RIC1: variants seen among roughly 807,000 people sequenced by gnomAD.
The protein encoded by RIC1 is RIC1 partner of RAB6A GEF complex.
In RIC1, 88 loss-of-function variants were observed where a neutral mutation model predicts 169.0. The ratio of observed to expected loss-of-function variants is 0.52; its 90% CI spans 0.44 to 0.62. The LOEUF (loss-of-function observed/expected upper bound fraction) is 0.62, where lower values mean the gene tolerates loss of function less well. Among genes scored for constraint, RIC1 ranks in the 20% least tolerant of loss-of-function variants. RIC1 has a pLI of 0.00. For synonymous variants in RIC1, 790 were observed against 601.5 expected (o/e 1.31, Z -4.59); for missense variants, 1,877 against 1,725.5 (o/e 1.09, Z -1.56).
At chr9:5,772,446 A>G (rs1221541903) in intron 23 of RIC1, 118 bp from the exon 24 acceptor site, 23 of 764,238 alleles carry the variant, frequency 3.0e-5, no homozygotes, top group Non-Finnish European at 4.6e-5. Flanking sequence ...CATGGATTTC[A>G]TGTTTTAGTT....
At chr9:5,678,725 T>C (rs1387273687) in intron 2 of RIC1, among the ~76,000 whole-genome samples, 1 of 152,228 alleles carries the variant, frequency 6.6e-6, no homozygotes, top group Non-Finnish European at 1.5e-5. Flanking sequence ...TTTGAGTTCA[T>C]TGTAGATTCT....
intron 12 of RIC1, among the ~76,000 whole-genome samples, chr9:5,752,054 A>C (rs1825754087): frequency 6.6e-6 from 1 of 152,220 alleles, no homozygotes; most frequent in African/African-American, 2.4e-5. Flanking sequence ...ACATGTGCTC[A>C]TGAAAACTAA....
At chr9:5,743,366 A>C (rs1825191036) in intron 9 of RIC1, among the ~76,000 whole-genome samples, 2 of 152,114 alleles carry the variant, frequency 1.3e-5, no homozygotes, top group Admixed American at 1.3e-4. Context: ...TCATTAGGTT[A>C]ATGTAGGTTA....
chr9:5,650,084 G>A (rs1176733870), intron 1 of RIC1, among the ~76,000 whole-genome samples: 1 of 152,160 alleles, frequency 6.6e-6, no homozygotes, highest in South Asian at 2.1e-4. Flanking sequence ...GCAGCAGACT[G>A]TGTGCCTGTC....
intron 1 of RIC1, among the ~76,000 whole-genome samples, chr9:5,654,842 T>G (rs544748226): frequency 1.3e-5 from 2 of 152,298 alleles, no homozygotes; most frequent in East Asian, 3.9e-4. Flanking sequence ...CATGAGCTAC[T>G]GCGCCTGGCC....
In RIC1 at chr9:5,718,217, T is replaced by A. The variant is rs1460470921; in HGVS notation, c.441-1965T>A. Among the ~76,000 whole-genome samples the A allele has an allele frequency of 3.3e-5, 5 of 150,420 alleles. No individual in the cohort carries two copies. In the South Asian group the frequency reaches 6.3e-4, roughly 19 times the overall value. ...AAAATAAAGTTTAGTAGGATTATAA[T>A]GTTTTCTATACAAGGCTGGTTTATG... On this transcript the variant is annotated intron_variant, in intron 4 of 25. Coordinates refer to ENST00000414202, the MANE Select transcript of RIC1 (RefSeq NM_020829.4).
At chr9:5,653,584 TTTTCTTTC>T (rs139617606) in intron 1 of RIC1, among the ~76,000 whole-genome samples, 12 of 150,454 alleles carry the variant, frequency 8.0e-5, no homozygotes, top group African/African-American at 1.7e-4. Flanking sequence ...CCATTTATTT[TTTTCTTTC>T]TTTCTTTCTT....
At chr9:5,655,440 A>C (rs1034894921) in intron 1 of RIC1, among the ~76,000 whole-genome samples, 1 of 152,070 alleles carries the variant, frequency 6.6e-6, no homozygotes, top group African/African-American at 2.4e-5. Flanking sequence ...AGCTGGCATT[A>C]TAGGCGCCTG....
Position 5,656,584 on chromosome 9 carries a change from C to T in RIC1, c.146C>T (p.Pro49Leu). Residue 49 changes from proline (P) to leucine (L), a missense_variant and splice_region_variant, in exon 2 of 26, where the codon CCT (proline) becomes CTT (leucine). By Grantham distance (98) the Pro-to-Leu change is moderately conservative. This residue lies in a region of RIC1 where 1,104 missense variants were observed against 992.0 expected (regional missense o/e 1.11). Coordinates refer to ENST00000414202, the MANE Select transcript of RIC1 (RefSeq NM_020829.4). The stretch of plus-strand genomic sequence containing the variant: ...TTTTTTTTTTTTTTAATCACACAGC[C>T]TAGTGTGTTAATTGTAACCTACAAG... ...AARLSIWYSR[P>L]SVLIVTYKEP... is the part of the protein sequence containing the mutation. 1.3e-6 allele frequency: 2 copies of T among 1,539,812 alleles called. No individual in the cohort carries two copies. Among genetic ancestry groups the T allele is most frequent in the Non-Finnish European group, 1.8e-6 (2 of 1,130,880 alleles).
At chr9:5,709,532 G>T (rs772391202) in intron 3 of RIC1, among the ~76,000 whole-genome samples, 15 of 152,114 alleles carry the variant, frequency 9.9e-5, no homozygotes, top group Admixed American at 1.3e-4. Flanking sequence ...CAAATGATTG[G>T]TTGAGAGGAT....
At chr9:5,711,803 C>T (rs1822943777) in intron 3 of RIC1, among the ~76,000 whole-genome samples, 1 of 152,262 alleles carries the variant, frequency 6.6e-6, no homozygotes, top group East Asian at 1.9e-4. Flanking sequence ...TCAATTCCCA[C>T]CTATGAGTGA....
rs1275111772 is a variant in RIC1 at position 5,763,823 on chromosome 9, G to A, written c.2796G>A (p.Met932Ile). The change falls in exon 19 of 26, where the codon ATG (methionine) becomes ATA (isoleucine). Residue 932 changes from methionine to isoleucine, a missense_variant. By Grantham distance (10) the Met-to-Ile change is conservative. Transcript: ENST00000414202. This position sits in a 1 kb window ranked among gnomAD's most constrained non-coding sequence, Gnocchi z 5.2. Reference sequence around the variant, plus strand: ...AGGACTTGTTTGAGGAGTGTTTGATGGCTCAGGATTTGGACACAGCTGCCT... The same window carrying A: ...AGGACTTGTTTGAGGAGTGTTTGATAGCTCAGGATTTGGACACAGCTGCCT... The part of the protein sequence containing the change: ...NPKDLFEECL[M>I]AQDLDTAASY... 1 of 1,614,126 alleles carries A rather than the reference G, an allele frequency of 6.2e-7. No homozygotes were observed. The highest frequency in any genetic ancestry group is 1.1e-5 in the South Asian group (1 of 91,074).
At chr9:5,708,181 A>ATCTCCCTCTC (rs1563916650) in intron 3 of RIC1, among the ~76,000 whole-genome samples, 1 of 152,092 alleles carries the variant, frequency 6.6e-6, no homozygotes, top group Non-Finnish European at 1.5e-5. Context: ...GTTCCCGTAC[A>ATCTCCCTCTC]TCTCCCTCTC....
intron 1 of RIC1, among the ~76,000 whole-genome samples, chr9:5,651,947 G>A (rs1818826047): frequency 6.6e-6 from 1 of 152,104 alleles, no homozygotes; most frequent in Non-Finnish European, 1.5e-5. Flanking sequence ...GGCTATCCAG[G>A]TTTCCCAGCA....
At position 5,763,974 on chromosome 9, in the gene RIC1, C is replaced by A; in HGVS notation, c.2841+106C>A. 1.6e-6 allele frequency: 2 copies of A among 1,271,732 alleles called. No homozygotes were observed. Among genetic ancestry groups the A allele is most frequent in the South Asian group, 1.5e-5 (1 of 65,360 alleles). The allele number at this position is 1,271,732 out of a possible 1,614,324, so 78.8% of individuals were successfully genotyped here. ...TGATTGTGTTTAAGGAATTCATAGTCAAATTTTCTGTTTATATCTTTAATT... is the reference window on the plus strand; with the variant it reads ...TGATTGTGTTTAAGGAATTCATAGTAAAATTTTCTGTTTATATCTTTAATT... On this transcript the variant is annotated intron_variant, in intron 19 of 25. Transcript: ENST00000414202. This position sits in a 1 kb window ranked among gnomAD's most constrained non-coding sequence, Gnocchi z 5.2.
chr9:5,741,955 G>A (rs1328868675), intron 8 of RIC1, among the ~76,000 whole-genome samples: 1 of 152,140 alleles, frequency 6.6e-6, no homozygotes, highest in Non-Finnish European at 1.5e-5. Flanking sequence ...CTGGTCACTT[G>A]GGAGCACTAC....
intron 16 of RIC1, among the ~76,000 whole-genome samples, chr9:5,756,778 G>C (rs1003607869): frequency 6.6e-6 from 1 of 152,156 alleles, no homozygotes; most frequent in African/African-American, 2.4e-5. Flanking sequence ...TTTCCACTGA[G>C]CTAGATGGCT....
At chr9:5,765,252 G>T in intron 19 of RIC1, 162 bp from the exon 20 acceptor site, 1 of 669,784 alleles carries the variant, frequency 1.5e-6, no homozygotes. Flanking sequence ...AAGAGTACTT[G>T]CCTCGCTTTT....
rs1817588964 is a variant in RIC1 at position 5,629,109 on chromosome 9, A to G, written c.-201A>G. The G allele has an allele frequency of 3.1e-5, 11 of 358,998 alleles. No individual in the cohort carries two copies. The Admixed American group carries it at 4.5e-4, about 15-fold the overall frequency. 22.2% of individuals were successfully genotyped at this position (358,998 alleles called of 1,614,324 possible). ...CTCTCCCTCCCCTTCCCTCCCCCAC[A>G]CTCGGCCCCGTCAGCTTGGGGGTGC... On this transcript the variant is annotated 5_prime_UTR_variant, in exon 1 of 26. Coordinates refer to ENST00000414202, the MANE Select transcript of RIC1 (RefSeq NM_020829.4).
Sources: gnomAD v4.1 joint callset for allele counts (sites outside exome capture counted in the v4.1 genomes callset) on GRCh38, gnomAD v4.1.1 for gene constraint, gnomAD v4.1.1 regional missense constraint, Gnocchi (gnomAD v3.1) non-coding constraint, MANE v1.5 for transcripts, NCBI Gene and HGNC (gene_info 2026-07-23, HGNC 2026-07-21) for gene names.